Variants in SPRED2 observed in about 807,000 individuals in gnomAD.
SPRED2 encodes the protein sprouty-related, EVH1 domain-containing protein 2.
A neutral mutation model predicts 43.0 loss-of-function variants in SPRED2; 47 were observed. The ratio of observed to expected loss-of-function variants is 1.09; its 90% CI spans 0.87 to 1.40. The LOEUF is 1.40. Ranked by LOEUF, SPRED2 falls within the 40% of genes most tolerant of loss-of-function variation. The pLI, the probability that SPRED2 is intolerant of heterozygous loss-of-function variation, is 0.00. For missense variants in SPRED2, 561 were observed against 586.4 expected (o/e 0.96, Z 0.45); for synonymous variants, 225 against 225.7 (o/e 1.00, Z 0.03).
chr2:65,333,797 T>TC (rs2104212742), intron 3 of SPRED2, among the ~76,000 whole-genome samples: 1 of 152,332 alleles, frequency 6.6e-6, no homozygotes, highest in African/African-American at 2.4e-5. Flanking sequence ...TTGCTTTTTT[T>TC]CCTCTTCCCC....
intron 1 of SPRED2, among the ~76,000 whole-genome samples, chr2:65,394,409 G>A (rs1045929955): frequency 2.6e-5 from 4 of 152,300 alleles, no homozygotes; most frequent in Middle Eastern, 3.4e-3. Context: ...GAATGGACAG[G>A]AACAAGGGCT....
chr2:65,342,193 C>T (rs946590518), intron 2 of SPRED2, among the ~76,000 whole-genome samples: 4 of 146,270 alleles, frequency 2.7e-5, no homozygotes, highest in African/African-American at 5.0e-5. Flanking sequence ...ATTTTATATA[C>T]GTATATTATG....
chr2:65,332,215 T>C, intron 3 of SPRED2, 164 bp from the exon 4 acceptor site: 1 of 483,918 alleles, frequency 2.1e-6, no homozygotes, highest in Non-Finnish European at 3.8e-6. Context: ...TTTACTCTTC[T>C]TTAATTGATT....
chr2:65,345,037 A>T (rs1674309111), intron 1 of SPRED2, 141 bp from the exon 2 acceptor site: 2 of 738,130 alleles, frequency 2.7e-6, no homozygotes, highest in Non-Finnish European at 4.2e-6. Context: ...AACCTTAAAA[A>T]GTGGTCCATC....
chr2:65,309,354 C>T (rs575237497), downstream of SPRED2, among the ~76,000 whole-genome samples: 9 of 151,186 alleles, frequency 6.0e-5, no homozygotes, highest in East Asian at 1.8e-3. Flanking sequence ...AATTTAAAAA[C>T]AGTTAGCTGG....
intron 1 of SPRED2, among the ~76,000 whole-genome samples, chr2:65,367,277 G>T (rs114127540): frequency 6.4e-4 from 97 of 152,250 alleles, no homozygotes; most frequent in Non-Finnish European, 1.2e-3. Context: ...GTTGAAGTAT[G>T]TTAGGGGTAA....
chr2:65,345,596 C>G (rs997356812), intron 1 of SPRED2, among the ~76,000 whole-genome samples: 1 of 152,140 alleles, frequency 6.6e-6, no homozygotes, highest in African/African-American at 2.4e-5. Context: ...GGTTTCAACC[C>G]TTTAAAATGA....
chr2:65,422,171 C>T (rs1415902091), intron 1 of SPRED2, among the ~76,000 whole-genome samples: 1 of 150,592 alleles, frequency 6.6e-6, no homozygotes, highest in African/African-American at 2.4e-5. Context: ...TACCTAAAAA[C>T]GACTTGAAAA....
At chr2:65,382,052 C>A (rs997536249) in intron 1 of SPRED2, among the ~76,000 whole-genome samples, 1 of 152,184 alleles carries the variant, frequency 6.6e-6, no homozygotes, top group South Asian at 2.1e-4. Flanking sequence ...GGAGGGGGAA[C>A]TGGTCTAAAA....
intron 1 of SPRED2, among the ~76,000 whole-genome samples, chr2:65,396,857 C>A (rs1675771083): frequency 1.3e-5 from 2 of 152,178 alleles, no homozygotes; most frequent in Admixed American, 1.3e-4. Flanking sequence ...CTCTTGTATA[C>A]CATGCACTTG....
chr2:65,419,251 T>G (rs1676360642), intron 1 of SPRED2, among the ~76,000 whole-genome samples: 1 of 152,206 alleles, frequency 6.6e-6, no homozygotes, highest in Admixed American at 6.5e-5. Context: ...GGGACAGAGC[T>G]GGCAGACAGA....
intron 4 of SPRED2, among the ~76,000 whole-genome samples, chr2:65,317,573 A>C (rs1673281064): frequency 6.6e-6 from 1 of 151,790 alleles, no homozygotes; most frequent in South Asian, 2.1e-4. Context: ...ACAAAACATA[A>C]ATAAAAGAAT....
chr2:65,424,848 A>C (rs1188243806), intron 1 of SPRED2, among the ~76,000 whole-genome samples: 1 of 152,108 alleles, frequency 6.6e-6, no homozygotes, highest in Admixed American at 6.5e-5. Context: ...GCTACTCAGG[A>C]GGCCAAGGCA....
At position 65,311,807 on chromosome 2, in the gene SPRED2, G is replaced by T. The variant is rs1558643473; in HGVS notation, c.*1694C>A. The T allele has an allele frequency of 1.0e-6, 1 of 985,458 alleles. No individual in the cohort carries two copies. Among genetic ancestry groups the T allele is most frequent in the East Asian group, 1.1e-4 (1 of 8,818 alleles). The allele number at this position is 985,458 out of a possible 1,614,324, so 61.0% of individuals were successfully genotyped here. A position where few individuals can be genotyped will look rare whatever the true frequency, so the allele number is the denominator to read the frequency against. On this transcript the variant is annotated 3_prime_UTR_variant, in exon 6 of 6. Transcript: ENST00000356388. ...ACTAAAGAAAATCGATGAGCTTGTGGACGAGCTGGAAACAGCCCCATGAAG... is the reference window on the plus strand; with the variant it reads ...ACTAAAGAAAATCGATGAGCTTGTGTACGAGCTGGAAACAGCCCCATGAAG...
At chr2:65,342,465 A>C (rs9789569) in intron 2 of SPRED2, among the ~76,000 whole-genome samples, 2 of 149,572 alleles carry the variant, frequency 1.3e-5, no homozygotes, top group Non-Finnish European at 3.0e-5. Context: ...TATATGTATG[A>C]ATATTTTGTA....
chr2:65,338,304 G>GTCTCCC (rs1421680620), intron 2 of SPRED2, among the ~76,000 whole-genome samples: 1 of 80,304 alleles, frequency 1.2e-5, no homozygotes, highest in Non-Finnish European at 2.7e-5. Flanking sequence ...TCCCTCTCCC[G>GTCTCCC]TCTCCCTCTC....
At chr2:65,332,372 A>G (rs966552562) in intron 3 of SPRED2, 4 of 227,616 alleles carry the variant, frequency 1.8e-5, no homozygotes, top group Non-Finnish European at 3.5e-5. Context: ...TCTGAGGGAC[A>G]TGCATCGAGC....
chr2:65,314,086 C>A lies in SPRED2; in HGVS notation c.672G>T (p.Trp224Cys). 1 of 1,613,896 alleles carries A rather than the reference C, an allele frequency of 6.2e-7. No homozygotes were observed. The change falls in exon 6 of 6, where the codon TGG (tryptophan) becomes TGT (cysteine). Residue 224 changes from tryptophan to cysteine, a missense_variant. By Grantham distance (215) the Trp-to-Cys change is radical. Around this residue, in one of 6 missense-constraint regions of SPRED2, gnomAD observed 15 missense variants for 35.4 expected, o/e 0.42. Transcript: ENST00000356388. ...GCCGGTAATCCTCGTACCCCGTCATCCAGATCTTCTCCCGGGGGTTGATGC... is the reference window on the plus strand; with the variant it reads ...GCCGGTAATCCTCGTACCCCGTCATACAGATCTTCTCCCGGGGGTTGATGC... ...IVRINPREKI[W>C]MTGYEDYRHA... is the part of the protein sequence containing the mutation.
intron 1 of SPRED2, among the ~76,000 whole-genome samples, chr2:65,422,563 C>A (rs1489622239): frequency 6.6e-6 from 1 of 152,204 alleles, no homozygotes; most frequent in East Asian, 1.9e-4. Context: ...TCTGGCTGTA[C>A]TTCCACTCAT....
Sources: allele counts gnomAD v4.1 joint callset (sites outside exome capture counted in the v4.1 genomes callset), GRCh38; gene constraint gnomAD v4.1.1; regional missense constraint gnomAD v4.1.1; transcripts MANE v1.5; gene names NCBI Gene and HGNC (gene_info 2026-07-23, HGNC 2026-07-21).